RXFP1: variants seen among roughly 807,000 people sequenced by gnomAD.
The protein encoded by RXFP1 is relaxin family peptide receptor 1.
Under a neutral mutation model 89.8 loss-of-function variants are expected in RXFP1, and 73 were observed. The ratio of observed to expected loss-of-function variants is 0.81; its 90% CI spans 0.67 to 0.99. The LOEUF is 0.99. Ranked by LOEUF, RXFP1 falls within the 50% of genes least tolerant of loss-of-function variation. RXFP1 has a pLI of 0.00. For synonymous variants in RXFP1, 277 were observed against 305.5 expected, an observed-to-expected ratio of 0.91 and a Z score of 0.97; for missense variants, 793 against 895.5, an observed-to-expected ratio of 0.89 and a Z score of 1.46.
chr4:158,650,336 C>T (rs1318583890), intron 17 of RXFP1, among the ~76,000 whole-genome samples: 1 of 151,556 alleles, frequency 6.6e-6, no homozygotes, highest in East Asian at 1.9e-4. Context: ...GTACTTAATG[C>T]CACTGAGCTG....
At chr4:158,589,410 T>G (rs1160931472) in intron 2 of RXFP1, among the ~76,000 whole-genome samples, 1 of 152,210 alleles carries the variant, frequency 6.6e-6, no homozygotes, top group Non-Finnish European at 1.5e-5. Context: ...GTTTCTGCTT[T>G]TATAAAATAG....
intron 1 of RXFP1, among the ~76,000 whole-genome samples, chr4:158,569,170 T>A (rs1319317486): frequency 6.6e-6 from 1 of 152,126 alleles, no homozygotes; most frequent in Non-Finnish European, 1.5e-5. Context: ...TTTCAGTAAG[T>A]GAGTGGATAA....
At chr4:158,624,790 G>A (rs186402864) in intron 9 of RXFP1, among the ~76,000 whole-genome samples, 1 of 151,932 alleles carries the variant, frequency 6.6e-6, no homozygotes, top group East Asian at 1.9e-4. Flanking sequence ...TCATATACAG[G>A]CCCATAGAAA....
chr4:158,548,090 T>C lies in RXFP1; in HGVS notation c.50-24608T>C, dbSNP rs151108296. On this transcript the variant is annotated intron_variant, in intron 1 of 17. Transcript: ENST00000307765. ...TTATTATTATGTGGGAGCCTAAGTC[T>C]CTTTGTAGGTCACTAAGGACTTGCT... Among the ~76,000 whole-genome samples the C allele has an allele frequency of 6.9e-3, 1,046 of 152,322 alleles. 11 individuals are homozygous for C. The highest frequency in any genetic ancestry group is 0.024 in the African/African-American group (1,003 of 41,562).
intron 2 of RXFP1, among the ~76,000 whole-genome samples, chr4:158,578,141 T>G (rs559942779): frequency 7.8e-4 from 119 of 152,314 alleles, no homozygotes; most frequent in Middle Eastern, 6.8e-3. Flanking sequence ...TTATAATAAC[T>G]TTGATCCTTA....
At chr4:158,540,910 T>G (rs1314836225) in intron 1 of RXFP1, among the ~76,000 whole-genome samples, 1 of 152,170 alleles carries the variant, frequency 6.6e-6, no homozygotes, top group African/African-American at 2.4e-5. Flanking sequence ...TAAGCCTCTT[T>G]GATTTTGCTG....
chr4:158,563,277 A>G lies in RXFP1; in HGVS notation c.50-9421A>G, dbSNP rs1579634717. Among the ~76,000 whole-genome samples, 4 of 152,324 alleles carry G rather than the reference A, an allele frequency of 2.6e-5. No homozygotes were observed. The South Asian group carries it at 8.3e-4, about 32-fold the overall frequency. On this transcript the variant is annotated intron_variant, in intron 1 of 17. Transcript: ENST00000307765. ...GATTCTCAAATGTCTTCACCTTAAA[A>G]TGATCTTTGTACCAACTCTGGGGTT...
At chr4:158,540,948 T>C (rs6830218) in intron 1 of RXFP1, among the ~76,000 whole-genome samples, 4,893 of 152,194 alleles carry the variant, frequency 0.032, 255 homozygotes, top group African/African-American at 0.11. Flanking sequence ...TGGAAATGCA[T>C]TAAAATTAAA....
chr4:158,633,689 C>T (rs1014668736), intron 12 of RXFP1, among the ~76,000 whole-genome samples: 1 of 152,202 alleles, frequency 6.6e-6, no homozygotes, highest in African/African-American at 2.4e-5. Flanking sequence ...TAACTTCCCA[C>T]TCACCGTTTC....
rs1325556509 is a variant in RXFP1, at chr4:158,608,032, C to A, written c.525C>A (p.Ser175Arg). The change falls in exon 6 of 18, where the codon AGC (serine) becomes AGA (arginine). Residue 175 changes from serine to arginine, a missense_variant. Ser to Arg is a moderately radical substitution (Grantham distance 110, BLOSUM62 -1). Transcript: ENST00000307765. ...ISIYAFRGLNSLTKLYLSHNR... is the reference protein window; with the variant it reads ...ISIYAFRGLNRLTKLYLSHNR... ...TCTATGCTTTCAGAGGACTGAATAG[C>A]CTTACTAAACTGTAAGTACCAGTGT... 6.3e-7 allele frequency: 1 copy of A among 1,597,862 alleles called. No homozygotes were observed. Among genetic ancestry groups the A allele is most frequent in the African/African-American group, 1.3e-5 (1 of 74,306 alleles).
intron 1 of RXFP1, among the ~76,000 whole-genome samples, chr4:158,549,686 C>A (rs1749558030): frequency 6.6e-6 from 1 of 152,216 alleles, no homozygotes; most frequent in Admixed American, 6.5e-5. Context: ...CCCTCAGCTG[C>A]AGGTCTGTTG....
chr4:158,557,852 C>T (rs1339296352), intron 1 of RXFP1, among the ~76,000 whole-genome samples: 1 of 152,202 alleles, frequency 6.6e-6, no homozygotes, highest in Non-Finnish European at 1.5e-5. Flanking sequence ...CACTGCTTCA[C>T]TGGAGCTCCA....
At chr4:158,534,668 T>G (rs977737464) in intron 1 of RXFP1, among the ~76,000 whole-genome samples, 2 of 152,022 alleles carry the variant, frequency 1.3e-5, no homozygotes, top group Admixed American at 6.6e-5. Context: ...TATCCTCACA[T>G]GAACCCTGAA....
At chr4:158,582,285 A>G (rs569151929) in intron 2 of RXFP1, among the ~76,000 whole-genome samples, 4 of 152,144 alleles carry the variant, frequency 2.6e-5, no homozygotes, top group Non-Finnish European at 5.9e-5. Flanking sequence ...ACAAGGGTCC[A>G]TTCTTCCAAG....
intron 11 of RXFP1, among the ~76,000 whole-genome samples, chr4:158,630,812 G>A (rs1767888540): frequency 6.6e-6 from 1 of 152,168 alleles, no homozygotes; most frequent in African/African-American, 2.4e-5. Flanking sequence ...TATATCTAAA[G>A]TGTCCTTTTG....
At chr4:158,610,749 C>T (rs1763431491) in intron 6 of RXFP1, 1 of 1,264,982 alleles carries the variant, frequency 7.9e-7, no homozygotes, top group South Asian at 1.2e-5. Flanking sequence ...TATAAGAGAA[C>T]ACCCTGAGGT....
Position 158,639,339 on chromosome 4 carries a change from G to C in RXFP1, c.1115+8G>C. 2 of 1,423,762 alleles carry C rather than the reference G, an allele frequency of 1.4e-6. No homozygotes were observed. Among genetic ancestry groups the C allele is most frequent in the Non-Finnish European group, 2.0e-6 (2 of 1,009,334 alleles). The allele number at this position is 1,423,762 out of a possible 1,614,324, so 88.2% of individuals were successfully genotyped here. A position where few individuals can be genotyped will look rare whatever the true frequency, so the allele number is the denominator to read the frequency against. ...TATGAATCTCTCTCACATGTAAGTA[G>C]ATATTTTATTGTTTTTCACTGTGAT... On this transcript the variant is annotated splice_region_variant and intron_variant, in intron 14 of 17. Transcript: ENST00000307765.
intron 9 of RXFP1, among the ~76,000 whole-genome samples, chr4:158,617,681 A>G (rs1764861913): frequency 6.6e-6 from 1 of 152,158 alleles, no homozygotes; most frequent in Admixed American, 6.5e-5. Context: ...GCTTGTAGTA[A>G]TAAGTATCAC....
Position 158,648,632 on chromosome 4 carries a change from T to C in RXFP1, c.1890T>C (p.Phe630=). 6.2e-7 allele frequency: 1 copy of C among 1,613,464 alleles called. No homozygotes were observed. Among genetic ancestry groups the C allele is most frequent in the Admixed American group, 1.7e-5 (1 of 59,954 alleles). Residue 630 remains phenylalanine, a synonymous_variant, in exon 17 of 18, where the codon TTT becomes TTC. Transcript: ENST00000307765. ...AAGAGATGATCCTTGCCAAACGTTT[T>C]TTCTTTATAGTATTTACTGATGCAT... ...VKKEMILAKR[F]FFIVFTDALC... is the part of the protein sequence containing the mutation.
Sources: allele counts gnomAD v4.1 joint callset (sites outside exome capture counted in the v4.1 genomes callset), GRCh38; gene constraint gnomAD v4.1.1; transcripts MANE v1.5; gene names NCBI Gene and HGNC (gene_info 2026-07-23, HGNC 2026-07-21).